Variants in ROBO2 observed in about 807,000 individuals in gnomAD.
ROBO2 encodes the protein roundabout guidance receptor 2.
In ROBO2, 53 loss-of-function variants were observed where a neutral mutation model predicts 160.8. That is an observed-to-expected ratio of 0.33 (90% confidence interval 0.26 to 0.41). ROBO2 has a LOEUF of 0.41. Among genes scored for constraint, ROBO2 ranks in the 10% least tolerant of loss-of-function variants. ROBO2 has a pLI of 1.00. For missense variants in ROBO2, 1,577 were observed against 1,722.4 expected, an observed-to-expected ratio of 0.92 and a Z score of 1.49; for synonymous variants, 664 against 611.7, an observed-to-expected ratio of 1.09 and a Z score of -1.26.
chr3:76,485,063 C>G (rs2079420326), intron 2 of ROBO2, among the ~76,000 whole-genome samples: 1 of 152,036 alleles, frequency 6.6e-6, no homozygotes, highest in Admixed American at 6.6e-5. Flanking sequence ...TTAAGGAAGG[C>G]AATTTTTCCT....
chr3:77,545,893 GC>G (rs1340389846), intron 6 of ROBO2, among the ~76,000 whole-genome samples: 1 of 151,928 alleles, frequency 6.6e-6, no homozygotes, highest in Non-Finnish European at 1.5e-5. Flanking sequence ...GTATCCCTGT[GC>G]CTTATATAAT....
intron 1 of ROBO2, among the ~76,000 whole-genome samples, chr3:77,091,725 T>G (rs1461179208): frequency 6.6e-6 from 1 of 152,046 alleles, no homozygotes; most frequent in African/African-American, 2.4e-5. Context: ...ATGCCTGTAA[T>G]CCCAGCACTT....
chr3:77,039,033 C>A (rs1029449151), upstream of ROBO2, among the ~76,000 whole-genome samples: 3 of 152,174 alleles, frequency 2.0e-5, no homozygotes, highest in Non-Finnish European at 4.4e-5. Flanking sequence ...CCTCGCCCTG[C>A]GCGATCGCGC....
At chr3:76,060,838 A>G (rs1157698996) in intron 2 of ROBO2, among the ~76,000 whole-genome samples, 1 of 152,190 alleles carries the variant, frequency 6.6e-6, no homozygotes, top group Non-Finnish European at 1.5e-5. Context: ...GGGCAGAGAA[A>G]TAACAGAGAA....
At chr3:75,999,639 A>G (rs973829517) in intron 2 of ROBO2, among the ~76,000 whole-genome samples, 3 of 152,120 alleles carry the variant, frequency 2.0e-5, no homozygotes, top group African/African-American at 7.2e-5. Flanking sequence ...TACTTTTATT[A>G]TTTTATTCTA....
chr3:76,322,244 T>TACATTTAACTA (rs2072623756), intron 2 of ROBO2, among the ~76,000 whole-genome samples: 2 of 148,070 alleles, frequency 1.4e-5, no homozygotes, highest in South Asian at 4.3e-4. Flanking sequence ...TTATATAGTG[T>TACATTTAACTA]ACATTTAACT....
chr3:76,514,314 C>T (rs1005216137), intron 2 of ROBO2, among the ~76,000 whole-genome samples: 1 of 152,068 alleles, frequency 6.6e-6, no homozygotes, highest in Non-Finnish European at 1.5e-5. Flanking sequence ...CCCCTAGGGC[C>T]CACCCAGGCG....
intron 2 of ROBO2, among the ~76,000 whole-genome samples, chr3:76,365,045 G>C (rs960537813): frequency 4.6e-5 from 7 of 151,036 alleles, no homozygotes; most frequent in African/African-American, 1.7e-4. Context: ...TTAAAGTAAG[G>C]CCAGCTGAGT....
chr3:77,065,978 C>G (rs1022288114), intron 1 of ROBO2, among the ~76,000 whole-genome samples: 1 of 152,070 alleles, frequency 6.6e-6, no homozygotes, highest in Admixed American at 6.6e-5. Flanking sequence ...GGCATCGAAG[C>G]CGAAGCTATT....
chr3:76,636,256 A>G (rs2090325838), intron 2 of ROBO2, among the ~76,000 whole-genome samples: 1 of 152,172 alleles, frequency 6.6e-6, no homozygotes, highest in Admixed American at 6.5e-5. Flanking sequence ...AGAGGAGGCA[A>G]TGTAGGTTGA....
chr3:76,226,543 T>A (rs948533044), intron 2 of ROBO2, among the ~76,000 whole-genome samples: 1 of 152,202 alleles, frequency 6.6e-6, no homozygotes, highest in Non-Finnish European at 1.5e-5. Flanking sequence ...ATTGTAAGAA[T>A]TCTATGCAAA....
intron 2 of ROBO2, among the ~76,000 whole-genome samples, chr3:76,701,542 C>G (rs768821870): frequency 3.9e-5 from 6 of 151,956 alleles, no homozygotes; most frequent in Non-Finnish European, 8.8e-5. Context: ...TTCATTGAAT[C>G]CAGCCTCTTC....
At chr3:77,521,031 A>G (rs2153626936) in intron 5 of ROBO2, among the ~76,000 whole-genome samples, 1 of 151,372 alleles carries the variant, frequency 6.6e-6, no homozygotes, top group African/African-American at 2.4e-5. Flanking sequence ...TCATGTATTC[A>G]CCACTAGTGT....
At chr3:76,942,948 T>C (rs2078288348) in intron 2 of ROBO2, among the ~76,000 whole-genome samples, 1 of 152,206 alleles carries the variant, frequency 6.6e-6, no homozygotes, top group African/African-American at 2.4e-5. Context: ...GTCATACTCC[T>C]GTTCATTTAG....
intron 2 of ROBO2, among the ~76,000 whole-genome samples, chr3:76,255,734 G>A (rs543420833): frequency 5.3e-5 from 8 of 151,788 alleles, no homozygotes; most frequent in Non-Finnish European, 8.8e-5. Flanking sequence ...TCTTTCTCTC[G>A]GTTTTATAAG....
intron 2 of ROBO2, among the ~76,000 whole-genome samples, chr3:76,059,314 G>T (rs1232089280): frequency 6.6e-6 from 1 of 151,782 alleles, no homozygotes; most frequent in Non-Finnish European, 1.5e-5. Flanking sequence ...AGCACCTGTT[G>T]TTTCCTGACT....
chr3:76,426,675 T>G (rs2108978896), intron 2 of ROBO2, among the ~76,000 whole-genome samples: 1 of 152,232 alleles, frequency 6.6e-6, no homozygotes, highest in South Asian at 2.1e-4. Context: ...ATTGATTTTT[T>G]GTGCTTTTCT....
chr3:77,081,482 C>A (rs754762252), intron 1 of ROBO2, among the ~76,000 whole-genome samples: 11 of 152,168 alleles, frequency 7.2e-5, no homozygotes, highest in Non-Finnish European at 1.3e-4. Context: ...CTTCTGGAGA[C>A]TAACGTGATG....
chr3:77,551,733 T>C (rs935494983), intron 8 of ROBO2, among the ~76,000 whole-genome samples: 6 of 152,034 alleles, frequency 3.9e-5, no homozygotes, highest in Admixed American at 3.9e-4. Flanking sequence ...ATTTTTACTT[T>C]TGTTTTCTCC....
Sources: gnomAD v4.1 joint callset for allele counts (sites outside exome capture counted in the v4.1 genomes callset) on GRCh38, gnomAD v4.1.1 for gene constraint, MANE v1.5 for transcripts, NCBI Gene and HGNC (gene_info 2026-07-23, HGNC 2026-07-21) for gene names.